Variants in KCNK9 observed in about 807,000 individuals in gnomAD.
KCNK9 encodes the protein potassium two pore domain channel subfamily K member 9.
Under a neutral mutation model 10.8 loss-of-function variants are expected in KCNK9, and 1 was observed. The observed-to-expected ratio is 0.09, with a 90% CI of 0.03 to 0.44. The LOEUF is 0.44. Ranked by LOEUF, KCNK9 falls within the 20% of genes least tolerant of loss-of-function variation. The pLI, the probability that KCNK9 is intolerant of heterozygous loss-of-function variation, is 0.97. For synonymous variants in KCNK9, 231 were observed against 222.7 expected (o/e 1.04, Z -0.33); for missense variants, 303 against 515.0 (o/e 0.59, Z 3.98).
intron 1 of KCNK9, among the ~76,000 whole-genome samples, chr8:139,648,478 G>A (rs1815757567): frequency 6.6e-6 from 1 of 152,226 alleles, no homozygotes; most frequent in Admixed American, 6.5e-5. Context: ...GCAAGATGGT[G>A]ATGGCTGCCG....
intron 1 of KCNK9, among the ~76,000 whole-genome samples, chr8:139,622,406 T>G (rs1390498965): frequency 6.6e-6 from 1 of 152,112 alleles, no homozygotes; most frequent in Non-Finnish European, 1.5e-5. Flanking sequence ...GGGAGCTACA[T>G]CAAGGGTCCC....
chr8:139,624,531 T>A (rs1156494604), intron 1 of KCNK9, among the ~76,000 whole-genome samples: 1 of 151,954 alleles, frequency 6.6e-6, no homozygotes, highest in Non-Finnish European at 1.5e-5. Context: ...CCACCTGCCC[T>A]CCCCTGGCCT....
chr8:139,605,658 A>C (rs1231083870), intron 2 of KCNK9, among the ~76,000 whole-genome samples: 2 of 152,226 alleles, frequency 1.3e-5, no homozygotes, highest in Non-Finnish European at 2.9e-5. Flanking sequence ...TTTTAATGGA[A>C]AAAAATTAGA....
intron 1 of KCNK9, among the ~76,000 whole-genome samples, chr8:139,645,273 T>A (rs3780054): frequency 0.044 from 6,756 of 151,928 alleles, 515 homozygotes; most frequent in East Asian, 0.37. Flanking sequence ...GGGGTCAGGA[T>A]CCCTTCACCT....
chr8:139,626,053 C>A (rs1247058773), intron 1 of KCNK9, among the ~76,000 whole-genome samples: 1 of 152,162 alleles, frequency 6.6e-6, no homozygotes, highest in South Asian at 2.1e-4. Flanking sequence ...ATAAGAGGCA[C>A]CTGTTCTGAG....
intron 1 of KCNK9, among the ~76,000 whole-genome samples, chr8:139,620,005 C>T (rs758001793): frequency 6.6e-6 from 1 of 152,184 alleles, no homozygotes; most frequent in Non-Finnish European, 1.5e-5. Context: ...AACTTCATTG[C>T]GTGGTTGCTG....
At chr8:139,648,650 G>C (rs150409405) in intron 1 of KCNK9, among the ~76,000 whole-genome samples, 56 of 152,344 alleles carry the variant, frequency 3.7e-4, no homozygotes, top group African/African-American at 1.3e-3. Flanking sequence ...TCGGCCTAGA[G>C]CCTGGTGCAA....
chr8:139,660,221 T>C (rs1816116516), intron 1 of KCNK9, among the ~76,000 whole-genome samples: 1 of 152,062 alleles, frequency 6.6e-6, no homozygotes, highest in African/African-American at 2.4e-5. Flanking sequence ...AAAAAGCACT[T>C]AGAGCACCCC....
At chr8:139,619,125 G>C in intron 1 of KCNK9, 26 bp from the exon 2 acceptor site, 2 of 1,612,948 alleles carry the variant, frequency 1.2e-6, no homozygotes, top group Non-Finnish European at 1.7e-6. Context: ...GAGAAGAACA[G>C]AGAGAGCAAG....
Position 139,689,295 on chromosome 8 carries a change from G to T in KCNK9, c.283+13415C>A, listed in dbSNP as rs868258342. 2.6e-5 allele frequency among the ~76,000 whole-genome samples: 4 copies of T among 152,316 alleles called. No individual in the cohort carries two copies. In the South Asian group the frequency reaches 6.2e-4, roughly 24 times the overall value. On this transcript the variant is annotated intron_variant, in intron 1 of 1. Coordinates refer to ENST00000520439, the MANE Select transcript of KCNK9 (RefSeq NM_001282534.2). Reference sequence around the variant, plus strand: ...TCCAAAGGTAGACTGTGGACTATCTGTTTTACAGATGAGAAAACAGCAAAT... The same window carrying T: ...TCCAAAGGTAGACTGTGGACTATCTTTTTTACAGATGAGAAAACAGCAAAT...
chr8:139,624,406 G>A (rs928670503), intron 1 of KCNK9, among the ~76,000 whole-genome samples: 3 of 152,120 alleles, frequency 2.0e-5, no homozygotes, highest in Non-Finnish European at 4.4e-5. Flanking sequence ...GCATGTTCAG[G>A]GACCCTGGAG....
intron 1 of KCNK9, among the ~76,000 whole-genome samples, chr8:139,659,789 TGGGAATACGGGCGTGAGCC>T (rs768772530): frequency 2.1e-4 from 32 of 151,884 alleles, no homozygotes; most frequent in Non-Finnish European, 4.1e-4. Flanking sequence ...CCCAAAGTGC[TGGGAATACGGGCGTGAGCC>T]ACTGCACCCG....
At chr8:139,697,229 GAGT>G (rs1817082185) in intron 1 of KCNK9, among the ~76,000 whole-genome samples, 1 of 150,762 alleles carries the variant, frequency 6.6e-6, no homozygotes, top group Non-Finnish European at 1.5e-5. Context: ...ATGGATGGGT[GAGT>G]GGGTAGGTGG....
chr8:139,701,039 AG>A (rs750309410), intron 1 of KCNK9, among the ~76,000 whole-genome samples: 12 of 152,138 alleles, frequency 7.9e-5, no homozygotes, highest in East Asian at 1.9e-4. Context: ...TCCTTTCCCC[AG>A]GGGTGGCCAG....
At chr8:139,639,982 G>A (rs1181647476) in intron 1 of KCNK9, among the ~76,000 whole-genome samples, 1 of 152,154 alleles carries the variant, frequency 6.6e-6, no homozygotes, top group Non-Finnish European at 1.5e-5. Context: ...CAGTGACAGT[G>A]GGGGCCTGCC....
At chr8:139,611,753 T>C (rs1218721021), downstream of KCNK9, 2 of 152,262 alleles carry the variant, frequency 1.3e-5, no homozygotes, top group Non-Finnish European at 2.9e-5. Flanking sequence ...TGCCGTTGAA[T>C]CACCAGTGCT....
chr8:139,630,802 C>T (rs914937430), intron 1 of KCNK9, among the ~76,000 whole-genome samples: 8 of 152,226 alleles, frequency 5.3e-5, no homozygotes, highest in African/African-American at 1.9e-4. Flanking sequence ...GCGGTCAAGG[C>T]ACACCCCCTT....
Position 139,625,209 on chromosome 8 carries a change from T to C in KCNK9, c.284-6110A>G, listed in dbSNP as rs539213030. Reference sequence around the variant, plus strand: ...ATGTGGATCTGTAGCCAAGGACGTCTGGGCCCAAGGGAACTGACAGCCTGC... The same window carrying C: ...ATGTGGATCTGTAGCCAAGGACGTCCGGGCCCAAGGGAACTGACAGCCTGC... On this transcript the variant is annotated intron_variant, in intron 1 of 1. Coordinates refer to ENST00000520439, the MANE Select transcript of KCNK9 (RefSeq NM_001282534.2). Among the ~76,000 whole-genome samples, 5 of 152,304 alleles carry C rather than the reference T, an allele frequency of 3.3e-5. No homozygotes were observed. The South Asian group carries it at 8.3e-4, about 25-fold the overall frequency.
rs1187669328 is a variant in KCNK9, at chr8:139,617,357, A to C, written c.*901T>G. On this transcript the variant is annotated 3_prime_UTR_variant, in exon 2 of 2. Coordinates refer to ENST00000520439, the MANE Select transcript of KCNK9 (RefSeq NM_001282534.2). Reference sequence around the variant, plus strand: ...TCCAGTTGCATGGTAAATTGTTGGAACTGGAGGTGACAAAATTAAAAATGT... The same window carrying C: ...TCCAGTTGCATGGTAAATTGTTGGACCTGGAGGTGACAAAATTAAAAATGT... 2.0e-5 allele frequency among the ~76,000 whole-genome samples: 3 copies of C among 152,334 alleles called. No homozygotes were observed. The East Asian group carries it at 5.8e-4, about 29-fold the overall frequency.
Sources: allele counts gnomAD v4.1 joint callset (sites outside exome capture counted in the v4.1 genomes callset), GRCh38; gene constraint gnomAD v4.1.1; transcripts MANE v1.5; gene names NCBI Gene and HGNC (gene_info 2026-07-23, HGNC 2026-07-21).